EIF4E1B: variants seen among roughly 807,000 people sequenced by gnomAD.
The protein encoded by EIF4E1B is eukaryotic translation initiation factor 4E family member 1B.
EIF4E1B carries 22 observed loss-of-function variants against 31.3 expected under a neutral mutation model. That is an observed-to-expected ratio of 0.70 (90% CI 0.50 to 1.00). The LOEUF (loss-of-function observed/expected upper bound fraction) is 1.00, where lower values mean the gene tolerates loss of function less well. EIF4E1B is among the 50% of genes least tolerant of loss of function. The probability of loss-of-function intolerance (pLI) is 0.00; values close to 1 mark genes in which losing one functional copy is unlikely to be tolerated. For synonymous variants in EIF4E1B, 126 were observed against 120.2 expected (o/e 1.05, Z -0.31); for missense variants, 290 against 311.6 (o/e 0.93, Z 0.52).
chr5:176,643,097 G>T lies in EIF4E1B; in HGVS notation c.31G>T (p.Gly11Cys). The change falls in exon 4 of 9, where the codon GGT (glycine) becomes TGT (cysteine). Residue 11 changes from glycine (G) to cysteine (C), a missense_variant. Physicochemically the swap from Gly to Cys is radical, Grantham distance 159 (BLOSUM62 -3). Transcript: ENST00000318682. MLAVEVSEAE[G>C]GIREWEEEEK... ...TTTGGCTCAGGTGAGTGAAGCTGAG[G>T]GTGGAATCCGAGAGTGGGAGGAGGA... 1 of 1,612,610 alleles carries T rather than the reference G, an allele frequency of 6.2e-7. No individual in the cohort carries two copies. The highest frequency in any genetic ancestry group is 8.5e-7 in the Non-Finnish European group (1 of 1,179,282).
At chr5:176,642,865 C>CCTG in intron 3 of EIF4E1B, 63 bp downstream of exon 3, 7 of 1,169,734 alleles carry the variant, frequency 6.0e-6, no homozygotes, top group Admixed American at 3.0e-5. Context: ...CCCCCCCCCC[C>CCTG]GCCCCAGGTG....
chr5:176,642,870 C>CCCCCCCCCGGGGGGGGGGGGGGG, intron 3 of EIF4E1B, 68 bp downstream of exon 3: 1 of 1,426,052 alleles, frequency 7.0e-7, no homozygotes, highest in Non-Finnish European at 9.5e-7. Context: ...CCCCCCGCCC[C>CCCCCCCCCGGGGGGGGGGGGGGG]AGGTGGGCGG....
rs1345867390 is a variant in EIF4E1B, at chr5:176,643,891, C to T, written c.296+157C>T. On this transcript the variant is annotated intron_variant, in intron 5 of 8. Transcript: ENST00000318682. ...GGGGGTATAGGGCACAACCACCCCC[C>T]ACCCCACCACCTTCTTTGGGCTCAG... 4.4e-6 allele frequency: 3 copies of T among 686,648 alleles called. No homozygotes were observed. The South Asian group carries it at 5.8e-5, about 13-fold the overall frequency. 42.5% of individuals were successfully genotyped at this position (686,648 alleles called of 1,614,324 possible).
At position 176,630,770 on chromosome 5, in the gene EIF4E1B, T is replaced by C. The variant is rs1435737838; in HGVS notation, c.-496T>C. 6.6e-6 allele frequency: 1 copy of C among 152,276 alleles called. No homozygotes were observed. Among genetic ancestry groups the C allele is most frequent in the East Asian group, 1.9e-4 (1 of 5,190 alleles). The allele number at this position is 152,276 out of a possible 1,614,324, so 9.4% of individuals were successfully genotyped here. A position where few individuals can be genotyped will look rare whatever the true frequency, so the allele number is the denominator to read the frequency against. On this transcript the variant is annotated 5_prime_UTR_variant, in exon 1 of 9. Transcript: ENST00000318682. ...GATTTGGAGTTCTGCTGGGCTCGAA[T>C]CTCAGCTGTGCTTTTTATTAACCGT...
chr5:176,644,234 A>T, intron 5 of EIF4E1B, 142 bp from the exon 6 acceptor site: 1 of 793,542 alleles, frequency 1.3e-6, no homozygotes, highest in Non-Finnish European at 2.0e-6. Flanking sequence ...GATAAACGGG[A>T]GTGGAATCCC....
chr5:176,637,353 C>T (rs930737628), intron 1 of EIF4E1B, among the ~76,000 whole-genome samples: 1 of 152,150 alleles, frequency 6.6e-6, no homozygotes, highest in Non-Finnish European at 1.5e-5. Context: ...GCAGGAGAAT[C>T]CTTTGAACCC....
At chr5:176,643,993 G>C in intron 5 of EIF4E1B, 1 of 570,128 alleles carries the variant, frequency 1.8e-6, no homozygotes, top group South Asian at 2.2e-5. Flanking sequence ...ACCTGGGCAA[G>C]TTCCTTCCCC....
chr5:176,645,884 C>T lies in EIF4E1B; in HGVS notation c.633C>T (p.Arg211=). 2.5e-6 allele frequency: 4 copies of T among 1,600,684 alleles called. No homozygotes were observed. The highest frequency in any genetic ancestry group is 3.4e-6 in the Non-Finnish European group (4 of 1,173,876). Reference sequence around the variant, plus strand: ...CCTGCAGGCGTGTATACAAAGAGCGCCTGGGCCTCTCCCCAAAGACCATCA... The same window carrying T: ...CCTGCAGGCGTGTATACAAAGAGCGTCTGGGCCTCTCCCCAAAGACCATCA... ...VLHVGRVYKE[R]LGLSPKTIIG... The change falls in exon 9 of 9, where the codon CGC becomes CGT. Residue 211 remains arginine (R), a synonymous_variant. Transcript: ENST00000318682. This position sits in a 1 kb window ranked among gnomAD's most constrained non-coding sequence, Gnocchi z 5.4.
At chr5:176,632,880 G>A (rs916541591) in intron 1 of EIF4E1B, among the ~76,000 whole-genome samples, 1 of 152,106 alleles carries the variant, frequency 6.6e-6, no homozygotes, top group Non-Finnish European at 1.5e-5. Flanking sequence ...TTGCAGCCAG[G>A]ACATGTGACT....
intron 2 of EIF4E1B, 114 bp from the exon 3 acceptor site, chr5:176,642,596 C>A: frequency 1.2e-6 from 1 of 837,888 alleles, no homozygotes; most frequent in Non-Finnish European, 1.8e-6. Context: ...ATGTCAGTGT[C>A]TCTGCTTCTG....
chr5:176,637,707 A>G (rs910642440), intron 1 of EIF4E1B, among the ~76,000 whole-genome samples: 2 of 152,106 alleles, frequency 1.3e-5, no homozygotes, highest in Non-Finnish European at 2.9e-5. Flanking sequence ...TGCATGACTG[A>G]AGGCCACTGT....
At chr5:176,631,542 G>A (rs1189407636) in intron 1 of EIF4E1B, among the ~76,000 whole-genome samples, 1 of 151,896 alleles carries the variant, frequency 6.6e-6, no homozygotes, top group Non-Finnish European at 1.5e-5. Flanking sequence ...TAGGGAGAAA[G>A]AGAATTTTAG....
rs893054959 is a variant in EIF4E1B, at chr5:176,646,030, T to A, written c.*50T>A. 8 of 1,491,284 alleles carry A rather than the reference T, an allele frequency of 5.4e-6. No homozygotes were observed. Among genetic ancestry groups the A allele is most frequent in the Non-Finnish European group, 7.3e-6 (8 of 1,092,280 alleles). 92.4% of individuals were successfully genotyped at this position (1,491,284 alleles called of 1,614,324 possible). ...GTAATGGGACAGCCGCCACTGAGCC[T>A]CATTACTTTGGGGGATGGGGCGGGA... is the stretch of plus-strand genomic sequence containing the variant. On this transcript the variant is annotated 3_prime_UTR_variant, in exon 9 of 9. Coordinates refer to ENST00000318682, the MANE Select transcript of EIF4E1B (RefSeq NM_001099408.2).
chr5:176,640,086 A>T (rs1760550201), intron 1 of EIF4E1B, among the ~76,000 whole-genome samples: 1 of 152,126 alleles, frequency 6.6e-6, no homozygotes, highest in Non-Finnish European at 1.5e-5. Flanking sequence ...AGTGGGTCTG[A>T]TGTGGTGCCA....
At chr5:176,644,651 G>T (rs1760658836) in intron 6 of EIF4E1B, 1 of 558,714 alleles carries the variant, frequency 1.8e-6, no homozygotes, top group Non-Finnish European at 3.1e-6. Flanking sequence ...TTAAGAGGCG[G>T]GAAGAGGGAG....
intron 5 of EIF4E1B, chr5:176,644,013 C>G (rs1286434338): frequency 3.6e-6 from 2 of 560,346 alleles, no homozygotes; most frequent in Non-Finnish European, 6.3e-6. Flanking sequence ...CTCTCTGAAC[C>G]TGTCTCAGCT....
chr5:176,642,993 C>A (rs1048805926), intron 3 of EIF4E1B, 89 bp from the exon 4 acceptor site: 212 of 1,520,594 alleles, frequency 1.4e-4, no homozygotes, highest in Non-Finnish European at 1.3e-4. Context: ...CCCTGCCTTC[C>A]CCTCCTGGAG....
intron 1 of EIF4E1B, among the ~76,000 whole-genome samples, chr5:176,636,037 G>C (rs760088200): frequency 2.6e-5 from 4 of 152,060 alleles, no homozygotes; most frequent in Non-Finnish European, 4.4e-5. Flanking sequence ...GGCTGGTCTC[G>C]AACTCCTGAC....
intron 1 of EIF4E1B, among the ~76,000 whole-genome samples, chr5:176,641,106 T>C (rs1760568134): frequency 6.6e-6 from 1 of 151,810 alleles, no homozygotes; most frequent in Admixed American, 6.6e-5. Flanking sequence ...ATTGCTTGAG[T>C]CTAGACATTC....
Sources: gnomAD v4.1 joint callset for allele counts (sites outside exome capture counted in the v4.1 genomes callset) on GRCh38, gnomAD v4.1.1 for gene constraint, Gnocchi (gnomAD v3.1) non-coding constraint, MANE v1.5 for transcripts, NCBI Gene and HGNC (gene_info 2026-07-23, HGNC 2026-07-21) for gene names.